The following SPAG16 variants were observed in gnomAD, a reference collection of about 807,000 sequenced individuals.
SPAG16 encodes the protein sperm-associated antigen 16 protein.
SPAG16 carries 86 observed loss-of-function variants against 80.4 expected under a neutral mutation model. The ratio of observed to expected loss-of-function variants is 1.07; its 90% CI spans 0.90 to 1.28. The LOEUF (loss-of-function observed/expected upper bound fraction) is 1.28, where lower values mean the gene tolerates loss of function less well. Among genes scored for constraint, SPAG16 ranks in the 50% most tolerant of loss-of-function variants. SPAG16 has a pLI of 0.00. For missense variants in SPAG16, 870 were observed against 765.3 expected, an observed-to-expected ratio of 1.14 and a Z score of -1.61; for synonymous variants, 294 against 265.9, an observed-to-expected ratio of 1.11 and a Z score of -1.03.
chr2:214,170,445 G>T (rs928014760), intron 15 of SPAG16, among the ~76,000 whole-genome samples: 16 of 151,928 alleles, frequency 1.1e-4, no homozygotes, highest in African/African-American at 3.9e-4. Flanking sequence ...CCTCCTGAAG[G>T]TCATCATAAC....
chr2:213,602,048 C>G (rs1427739660), intron 10 of SPAG16, among the ~76,000 whole-genome samples: 1 of 152,224 alleles, frequency 6.6e-6, no homozygotes, highest in African/African-American at 2.4e-5. Context: ...TCTAATGCCA[C>G]TACTGATCTG....
At chr2:214,248,779 T>A (rs748275124) in intron 15 of SPAG16, among the ~76,000 whole-genome samples, 15 of 152,062 alleles carry the variant, frequency 9.9e-5, no homozygotes, top group Non-Finnish European at 1.9e-4. Flanking sequence ...AATTAATGCA[T>A]AATAAGAGAA....
chr2:214,163,574 G>C (rs1157686950), intron 15 of SPAG16, among the ~76,000 whole-genome samples: 1 of 123,816 alleles, frequency 8.1e-6, no homozygotes, highest in African/African-American at 2.5e-5. Flanking sequence ...ATATGTGTGT[G>C]TGTATATATA....
At chr2:213,913,259 C>G (rs566703726) in intron 11 of SPAG16, among the ~76,000 whole-genome samples, 7 of 151,830 alleles carry the variant, frequency 4.6e-5, no homozygotes, top group Non-Finnish European at 1.0e-4. Context: ...GTGACTTTTC[C>G]CACATATTAT....
chr2:213,848,681 T>A (rs1262980916), intron 10 of SPAG16, among the ~76,000 whole-genome samples: 2 of 152,208 alleles, frequency 1.3e-5, no homozygotes, highest in Non-Finnish European at 2.9e-5. Flanking sequence ...TGCCAGTTTA[T>A]ACCCCTGTTC....
chr2:213,839,616 A>C (rs996266948), intron 10 of SPAG16, among the ~76,000 whole-genome samples: 1 of 151,534 alleles, frequency 6.6e-6, no homozygotes, highest in African/African-American at 2.4e-5. Context: ...CTAAAATGAC[A>C]TTTTTTTTTA....
chr2:213,447,317 C>T (rs112816649), intron 9 of SPAG16, among the ~76,000 whole-genome samples: 3,714 of 152,194 alleles, frequency 0.024, 155 homozygotes, highest in African/African-American at 0.086. Flanking sequence ...TATGATATTC[C>T]CCATTCTGAG....
chr2:213,632,329 C>T (rs892814677), intron 10 of SPAG16, among the ~76,000 whole-genome samples: 1 of 152,078 alleles, frequency 6.6e-6, no homozygotes, highest in African/African-American at 2.4e-5. Context: ...ATTTTGTATC[C>T]TGTAACTTTA....
At chr2:214,187,336 A>G (rs149804206) in intron 15 of SPAG16, among the ~76,000 whole-genome samples, 43 of 152,194 alleles carry the variant, frequency 2.8e-4, no homozygotes, top group African/African-American at 9.6e-4. Flanking sequence ...GTACTATGCT[A>G]TGTGTTACCT....
intron 13 of SPAG16, among the ~76,000 whole-genome samples, chr2:214,046,804 A>G (rs766624582): frequency 1.1e-4 from 16 of 152,182 alleles, no homozygotes; most frequent in Non-Finnish European, 2.1e-4. Flanking sequence ...AGACTTCACA[A>G]GAAAACTGTT....
At chr2:214,197,418 A>G (rs181741101) in intron 15 of SPAG16, among the ~76,000 whole-genome samples, 1 of 152,034 alleles carries the variant, frequency 6.6e-6, no homozygotes, top group East Asian at 1.9e-4. Flanking sequence ...ATAAAACATC[A>G]TTGTTTTGGA....
At chr2:214,051,492 T>C (rs1348449151) in intron 13 of SPAG16, among the ~76,000 whole-genome samples, 1 of 152,232 alleles carries the variant, frequency 6.6e-6, no homozygotes, top group Non-Finnish European at 1.5e-5. Context: ...TTTGCTATTT[T>C]CCTCCCCATC....
At chr2:213,558,277 A>G (rs2125973354) in intron 10 of SPAG16, among the ~76,000 whole-genome samples, 1 of 152,224 alleles carries the variant, frequency 6.6e-6, no homozygotes, top group East Asian at 1.9e-4. Context: ...AGATGAACTC[A>G]TTATAATATA....
intron 11 of SPAG16, among the ~76,000 whole-genome samples, chr2:213,866,282 A>G (rs902069098): frequency 2.6e-5 from 4 of 152,104 alleles, no homozygotes; most frequent in African/African-American, 9.7e-5. Context: ...TACAGTACTC[A>G]CATGGTAACA....
chr2:213,913,696 CAT>C (rs1303741391), intron 11 of SPAG16, among the ~76,000 whole-genome samples: 1 of 149,812 alleles, frequency 6.7e-6, no homozygotes, highest in Non-Finnish European at 1.5e-5. Flanking sequence ...CATACACATA[CAT>C]GTGTGTATGC....
rs141560632 is a variant in SPAG16, at chr2:213,594,991, A to G, written c.1070+104901A>G. On this transcript the variant is annotated intron_variant, in intron 10 of 15. Coordinates refer to ENST00000331683, the MANE Select transcript of SPAG16 (RefSeq NM_024532.5). ...TCTATTTATGTATCTACATTAGCTC[A>G]AGGTTTTATATTTATTTTAGAGGGC... is the stretch of plus-strand genomic sequence containing the variant. Among the ~76,000 whole-genome samples, 71 of 152,134 alleles carry G rather than the reference A, an allele frequency of 4.7e-4. 1 individual carries two copies. The highest frequency in any genetic ancestry group is 1.7e-3 in the African/African-American group (69 of 41,490).
At chr2:214,000,781 A>G (rs1204690751) in intron 12 of SPAG16, among the ~76,000 whole-genome samples, 2 of 152,248 alleles carry the variant, frequency 1.3e-5, no homozygotes, top group African/African-American at 4.8e-5. Context: ...GTCAGAAGAT[A>G]CTGAGCTTTG....
At chr2:213,539,149 G>C (rs935630202) in intron 10 of SPAG16, among the ~76,000 whole-genome samples, 2 of 152,152 alleles carry the variant, frequency 1.3e-5, no homozygotes, top group Admixed American at 1.3e-4. Flanking sequence ...ATGGTGAAGA[G>C]GCAGAAATGC....
chr2:213,544,267 A>T (rs538831519), intron 10 of SPAG16, among the ~76,000 whole-genome samples: 1 of 152,148 alleles, frequency 6.6e-6, no homozygotes, highest in East Asian at 1.9e-4. Flanking sequence ...TTCCTGCATA[A>T]TCTTTCTTCA....
Sources: allele counts gnomAD v4.1 joint callset (sites outside exome capture counted in the v4.1 genomes callset), GRCh38; gene constraint gnomAD v4.1.1; transcripts MANE v1.5; gene names NCBI Gene and HGNC (gene_info 2026-07-23, HGNC 2026-07-21).